Variants in RABGAP1L observed in about 807,000 individuals in gnomAD.
RABGAP1L encodes the protein rab GTPase-activating protein 1-like.
In RABGAP1L, 63 loss-of-function variants were observed where a neutral mutation model predicts 137.7. The ratio of observed to expected loss-of-function variants is 0.46; its 90% CI spans 0.37 to 0.56. The LOEUF is 0.56. Among genes scored for constraint, RABGAP1L ranks in the 20% least tolerant of loss-of-function variants. The probability of loss-of-function intolerance (pLI) is 0.00; values close to 1 mark genes in which losing one functional copy is unlikely to be tolerated. For missense variants in RABGAP1L, 1,095 were observed against 1,244.0 expected (o/e 0.88, Z 1.80); for synonymous variants, 431 against 433.7 (o/e 0.99, Z 0.08).
At chr1:174,620,479 C>G (rs1256692692) in intron 13 of RABGAP1L, among the ~76,000 whole-genome samples, 1 of 152,194 alleles carries the variant, frequency 6.6e-6, no homozygotes, top group Non-Finnish European at 1.5e-5. Flanking sequence ...GATTAAGACA[C>G]TCACTCAAAA....
chr1:174,186,513 C>G (rs1281452706), intron 1 of RABGAP1L, among the ~76,000 whole-genome samples: 1 of 152,188 alleles, frequency 6.6e-6, no homozygotes, highest in East Asian at 1.9e-4. Context: ...AGAATGCTAT[C>G]TGTCTACTAT....
chr1:174,940,825 T>C (rs1179337711), intron 19 of RABGAP1L, among the ~76,000 whole-genome samples: 1 of 152,262 alleles, frequency 6.6e-6, no homozygotes, highest in Non-Finnish European at 1.5e-5. Flanking sequence ...TTGCTTCTCA[T>C]ATCCAGAATG....
At chr1:174,681,254 C>T (rs1292356215) in intron 14 of RABGAP1L, among the ~76,000 whole-genome samples, 7 of 152,300 alleles carry the variant, frequency 4.6e-5, no homozygotes, top group South Asian at 2.1e-4. Context: ...TATCCACAAA[C>T]GCTGTGTATA....
At chr1:174,577,097 A>AC (rs1462818577) in intron 13 of RABGAP1L, among the ~76,000 whole-genome samples, 1 of 151,638 alleles carries the variant, frequency 6.6e-6, no homozygotes, top group African/African-American at 2.4e-5. Flanking sequence ...GGTAAGGAGG[A>AC]CCCCTTAAGC....
intron 18 of RABGAP1L, among the ~76,000 whole-genome samples, chr1:174,758,022 C>CA (rs34002785): frequency 0.61 from 79,073 of 129,928 alleles, 26,732 homozygotes; most frequent in East Asian, 0.92. Context: ...GACTCCATCT[C>CA]AAAAAAAAAA....
At chr1:174,964,907 T>C in intron 20 of RABGAP1L, 2 of 1,478,208 alleles carry the variant, frequency 1.4e-6, no homozygotes, top group Non-Finnish European at 1.8e-6. Context: ...AGGTGTTCAA[T>C]TTCATTGGAT....
At chr1:174,204,532 G>A (rs909857173) in intron 1 of RABGAP1L, among the ~76,000 whole-genome samples, 2 of 152,164 alleles carry the variant, frequency 1.3e-5, no homozygotes, top group Non-Finnish European at 2.9e-5. Context: ...TGAGTATAAT[G>A]TTGGCTGTGG....
At chr1:174,554,316 C>G (rs888957404) in intron 13 of RABGAP1L, among the ~76,000 whole-genome samples, 1 of 152,174 alleles carries the variant, frequency 6.6e-6, no homozygotes, top group East Asian at 1.9e-4. Flanking sequence ...AGTGTTGAAC[C>G]TACTTAATCT....
intron 1 of RABGAP1L, among the ~76,000 whole-genome samples, chr1:174,189,542 C>G (rs189732169): frequency 1.3e-5 from 2 of 152,352 alleles, no homozygotes; most frequent in African/African-American, 4.8e-5. Context: ...TACTTAATTT[C>G]CATTGTGGCA....
At chr1:174,985,919 A>G (rs776683623) in intron 24 of RABGAP1L, among the ~76,000 whole-genome samples, 12 of 152,152 alleles carry the variant, frequency 7.9e-5, no homozygotes, top group Non-Finnish European at 1.5e-4. Context: ...AAGGTCACCT[A>G]AAAACCAATC....
At chr1:174,366,187 A>C (rs1049505700) in intron 11 of RABGAP1L, among the ~76,000 whole-genome samples, 29 of 152,202 alleles carry the variant, frequency 1.9e-4, no homozygotes, top group African/African-American at 6.0e-4. Context: ...AATAATTATA[A>C]TTCTTCTAAA....
At chr1:174,661,431 T>C (rs1286101356) in intron 14 of RABGAP1L, among the ~76,000 whole-genome samples, 1 of 152,134 alleles carries the variant, frequency 6.6e-6, no homozygotes, top group Non-Finnish European at 1.5e-5. Context: ...ATGAGGAATA[T>C]TGGGTACTGA....
chr1:174,757,948 G>A (rs951294318), intron 18 of RABGAP1L, among the ~76,000 whole-genome samples: 2 of 151,640 alleles, frequency 1.3e-5, no homozygotes, highest in East Asian at 1.9e-4. Context: ...GCTTGAACCC[G>A]GGAGGCAGAG....
chr1:174,614,651 T>G lies in RABGAP1L; in HGVS notation c.1711-22724T>G, dbSNP rs150571319. ...CCTTGCTAGATTGGGGAAGTTCTCCTGAATAACATCCTGCAGAGTGTTTTC... is the reference window on the plus strand; with the variant it reads ...CCTTGCTAGATTGGGGAAGTTCTCCGGAATAACATCCTGCAGAGTGTTTTC... On this transcript the variant is annotated intron_variant, in intron 13 of 25. Transcript: ENST00000681986. Among the ~76,000 whole-genome samples, 809 of 152,360 alleles carry G rather than the reference T, an allele frequency of 5.3e-3. 9 individuals carry two copies. The highest frequency in any genetic ancestry group is 0.018 in the African/African-American group (765 of 41,594).
chr1:174,291,033 T>TA (rs1676551808), intron 10 of RABGAP1L, among the ~76,000 whole-genome samples: 1 of 152,198 alleles, frequency 6.6e-6, no homozygotes, highest in African/African-American at 2.4e-5. Flanking sequence ...ATGCTGGGAT[T>TA]ACAGGCATGA....
chr1:174,661,825 A>G (rs901981356), intron 14 of RABGAP1L, among the ~76,000 whole-genome samples: 1 of 152,192 alleles, frequency 6.6e-6, no homozygotes, highest in Non-Finnish European at 1.5e-5. Context: ...TCATAGCATC[A>G]TAACATTATA....
intron 20 of RABGAP1L, among the ~76,000 whole-genome samples, chr1:174,960,682 C>T (rs1172899383): frequency 6.6e-6 from 1 of 152,030 alleles, no homozygotes; most frequent in Admixed American, 6.6e-5. Context: ...GTCATTTAGC[C>T]TACCCTTTTC....
chr1:174,601,891 T>C (rs1429953604), intron 13 of RABGAP1L, among the ~76,000 whole-genome samples: 1 of 152,166 alleles, frequency 6.6e-6, no homozygotes, highest in East Asian at 1.9e-4. Flanking sequence ...GTTTTTTTGC[T>C]GAAACATAAT....
At chr1:174,956,452 G>A (rs1371698897) in intron 19 of RABGAP1L, among the ~76,000 whole-genome samples, 2 of 152,148 alleles carry the variant, frequency 1.3e-5, no homozygotes. Context: ...TAGGAATCTA[G>A]TCTTTTTTCA....
Sources: allele counts gnomAD v4.1 joint callset (sites outside exome capture counted in the v4.1 genomes callset), GRCh38; gene constraint gnomAD v4.1.1; transcripts MANE v1.5; gene names NCBI Gene and HGNC (gene_info 2026-07-23, HGNC 2026-07-21).